Variants in RASEF observed in about 807,000 individuals in gnomAD.
RASEF encodes ras and EF-hand domain-containing protein.
Under a neutral mutation model 90.1 loss-of-function variants are expected in RASEF, and 68 were observed. That is an observed-to-expected ratio of 0.75 (90% confidence interval 0.62 to 0.92). RASEF has a LOEUF of 0.92. Among genes scored for constraint, RASEF ranks in the 40% least tolerant of loss-of-function variants. RASEF has a pLI of 0.00. For synonymous variants in RASEF, 331 were observed against 345.2 expected, an observed-to-expected ratio of 0.96 and a Z score of 0.46; for missense variants, 949 against 937.2, an observed-to-expected ratio of 1.01 and a Z score of -0.16.
chr9:83,041,255 G>T (rs1004557133), intron 1 of RASEF, among the ~76,000 whole-genome samples: 2 of 152,188 alleles, frequency 1.3e-5, no homozygotes, highest in African/African-American at 4.8e-5. Context: ...TGACATCTTT[G>T]AATTATGTTA....
chr9:83,160,373 G>A, the RASEF span, among the ~76,000 whole-genome samples: 4,340 of 152,178 alleles, frequency 0.029, 212 homozygotes, highest in African/African-American at 0.1. Flanking sequence ...CTGGAGAAAA[G>A]GTGACTCTAG....
At chr9:83,217,464 C>T in the RASEF span, among the ~76,000 whole-genome samples, 1 of 152,028 alleles carries the variant, frequency 6.6e-6, no homozygotes, top group Admixed American at 6.5e-5. Flanking sequence ...TCCCATAATC[C>T]CCACGTCATG....
At chr9:83,070,273 CTA>C in the RASEF span, among the ~76,000 whole-genome samples, 1 of 152,016 alleles carries the variant, frequency 6.6e-6, no homozygotes, top group South Asian at 2.1e-4. Context: ...ACCATTGCTT[CTA>C]TGATACATTT....
chr9:83,133,596 G>A, the RASEF span, among the ~76,000 whole-genome samples: 4 of 152,048 alleles, frequency 2.6e-5, no homozygotes, highest in African/African-American at 9.7e-5. Context: ...CTAAAGTCTA[G>A]TCAAAGTTAG....
the RASEF span, among the ~76,000 whole-genome samples, chr9:83,100,308 T>C: frequency 2.0e-5 from 3 of 152,170 alleles, no homozygotes; most frequent in African/African-American, 7.2e-5. Context: ...CAGAGAGCAT[T>C]CAAGGCAAGA....
At chr9:83,150,383 A>T in the RASEF span, among the ~76,000 whole-genome samples, 1 of 152,120 alleles carries the variant, frequency 6.6e-6, no homozygotes, top group Non-Finnish European at 1.5e-5. Flanking sequence ...CCACCCCCAT[A>T]ATTAAGCTAT....
chr9:83,087,433 C>CTCTCTCTCTCTCTCTCTCTCTCTCTCTT, the RASEF span, among the ~76,000 whole-genome samples: 1 of 151,760 alleles, frequency 6.6e-6, no homozygotes, highest in South Asian at 2.1e-4. Context: ...CTCTCTCTCT[C>CTCTCTCTCTCTCTCTCTCTCTCTCTCTT]TCTCTCTGTC....
chr9:83,078,267 C>T, the RASEF span, among the ~76,000 whole-genome samples: 3 of 152,136 alleles, frequency 2.0e-5, no homozygotes, highest in Non-Finnish European at 4.4e-5. Flanking sequence ...CTGAAGAACC[C>T]CTGAGCAGAC....
the RASEF span, among the ~76,000 whole-genome samples, chr9:83,095,464 G>T: frequency 0.03 from 4,389 of 148,606 alleles, 225 homozygotes; most frequent in African/African-American, 0.1. Context: ...AGACTGTGTT[G>T]CCCCAAGGGA....
At chr9:83,019,272 A>T (rs181682298) in intron 3 of RASEF, among the ~76,000 whole-genome samples, 1,695 of 151,940 alleles carry the variant, frequency 0.011, 31 homozygotes, top group African/African-American at 0.035. Flanking sequence ...GTAATTTTTT[A>T]AAAAAAACTG....
the RASEF span, among the ~76,000 whole-genome samples, chr9:83,148,566 C>A: frequency 4.6e-5 from 7 of 152,216 alleles, no homozygotes; most frequent in Non-Finnish European, 1.0e-4. Flanking sequence ...AGGAACCAAC[C>A]CTGCCAGGAC....
In RASEF at chr9:83,062,583, C is replaced by G; in HGVS notation, c.285G>C (p.Ala95=). The G allele has an allele frequency of 1.3e-6, 2 of 1,590,944 alleles. No individual in the cohort carries two copies. The highest frequency in any genetic ancestry group is 3.5e-5 in the Admixed American group (2 of 57,554). ...CCTCGCTGTCGTGTGTCTCCGGCCC[C>G]GCCTCAGACACGGCGGGCGCGGGAT... ...PLDPAPAVSE[A]GPETHDSEED... is the part of the protein sequence containing the mutation. The change falls in exon 1 of 17, where the codon GCG becomes GCC. Residue 95 remains alanine, a synonymous_variant. Transcript: ENST00000376447.
the RASEF span, among the ~76,000 whole-genome samples, chr9:83,137,893 G>C: frequency 6.6e-6 from 1 of 151,916 alleles, no homozygotes; most frequent in Non-Finnish European, 1.5e-5. Flanking sequence ...AACAAATTAT[G>C]TTTCTTAAAG....
the RASEF span, among the ~76,000 whole-genome samples, chr9:83,089,975 T>C: frequency 5.3e-5 from 8 of 152,182 alleles, no homozygotes; most frequent in Admixed American, 3.9e-4. Context: ...GATAGATGCA[T>C]ATGTTGGTCT....
the RASEF span, among the ~76,000 whole-genome samples, chr9:83,125,789 A>T: frequency 3.3e-5 from 5 of 152,270 alleles, no homozygotes; most frequent in African/African-American, 7.2e-5. Context: ...CAGACGGTAC[A>T]TTTTCCACTA....
chr9:83,169,319 G>A, the RASEF span, among the ~76,000 whole-genome samples: 9 of 150,390 alleles, frequency 6.0e-5, no homozygotes, highest in Admixed American at 6.0e-4. Context: ...ACATGACAGT[G>A]CAAATAATAT....
the RASEF span, among the ~76,000 whole-genome samples, chr9:83,104,842 T>C: frequency 6.6e-6 from 1 of 152,326 alleles, no homozygotes; most frequent in African/African-American, 2.4e-5. Flanking sequence ...GGATAACTTA[T>C]AGAATATCCA....
chr9:83,001,733 T>G (rs953620047), intron 9 of RASEF, among the ~76,000 whole-genome samples: 1 of 152,186 alleles, frequency 6.6e-6, no homozygotes, highest in African/African-American at 2.4e-5. Flanking sequence ...AAGATAAGCT[T>G]TTCTGGGTGT....
intron 1 of RASEF, among the ~76,000 whole-genome samples, chr9:83,030,917 C>A (rs945896918): frequency 6.6e-6 from 1 of 152,100 alleles, no homozygotes; most frequent in Non-Finnish European, 1.5e-5. Context: ...CCCTTTTCCA[C>A]CTTTCTCCCT....
Sources: gnomAD v4.1 joint callset for allele counts (sites outside exome capture counted in the v4.1 genomes callset) on GRCh38, gnomAD v4.1.1 for gene constraint, MANE v1.5 for transcripts, NCBI Gene and HGNC (gene_info 2026-07-23, HGNC 2026-07-21) for gene names.